TCF4: variants seen among roughly 807,000 people sequenced by gnomAD.
TCF4 encodes the protein transcription factor 4.
A neutral mutation model predicts 82.1 loss-of-function variants in TCF4; 3 were observed. The observed-to-expected ratio is 0.04, with a 90% CI of 0.02 to 0.09. TCF4 has a LOEUF of 0.09. Among genes scored for constraint, TCF4 ranks in the 10% least tolerant of loss-of-function variants. The pLI, the probability that TCF4 is intolerant of heterozygous loss-of-function variation, is 1.00. For missense variants in TCF4, 518 were observed against 852.7 expected, an observed-to-expected ratio of 0.61 and a Z score of 4.89; for synonymous variants, 276 against 309.6, an observed-to-expected ratio of 0.89 and a Z score of 1.14.
intron 5 of TCF4, among the ~76,000 whole-genome samples, chr18:55,442,447 T>C (rs1445728469): frequency 6.6e-6 from 1 of 152,222 alleles, no homozygotes; most frequent in Non-Finnish European, 1.5e-5. Context: ...TCCATCCATG[T>C]AAATGAAAAA....
chr18:55,615,712 T>TG (rs1483079291), intron 2 of TCF4, among the ~76,000 whole-genome samples: 1 of 152,084 alleles, frequency 6.6e-6, no homozygotes, highest in Non-Finnish European at 1.5e-5. Context: ...TTTAGTTTGC[T>TG]GGGGAGTTTA....
At chr18:55,251,678 C>T (rs1414493240) in intron 15 of TCF4, among the ~76,000 whole-genome samples, 1 of 152,168 alleles carries the variant, frequency 6.6e-6, no homozygotes, top group Non-Finnish European at 1.5e-5. Context: ...CAATACAAAA[C>T]CGGGACTGGG....
At chr18:55,458,682 G>A (rs909847800) in intron 5 of TCF4, among the ~76,000 whole-genome samples, 8 of 152,098 alleles carry the variant, frequency 5.3e-5, no homozygotes, top group Non-Finnish European at 7.3e-5. Context: ...CTTCAGATAC[G>A]CAAGCCAATC....
chr18:55,533,707 C>T (rs570079889), intron 3 of TCF4, among the ~76,000 whole-genome samples: 1 of 152,284 alleles, frequency 6.6e-6, no homozygotes, highest in East Asian at 1.9e-4. Flanking sequence ...AAAAACAGTA[C>T]AACACAAGTT....
intron 5 of TCF4, among the ~76,000 whole-genome samples, chr18:55,439,992 G>T (rs147652485): frequency 1.4e-4 from 21 of 152,292 alleles, no homozygotes; most frequent in African/African-American, 4.8e-4. Flanking sequence ...CCAAAGAGCT[G>T]AGATTACAGG....
chr18:55,328,350 T>A (rs1161406793), intron 8 of TCF4, among the ~76,000 whole-genome samples: 1 of 151,754 alleles, frequency 6.6e-6, no homozygotes. Context: ...AGGCCGTCAA[T>A]CTTTTTCCCT....
intron 3 of TCF4, among the ~76,000 whole-genome samples, chr18:55,487,844 T>A (rs917108398): frequency 6.6e-6 from 1 of 152,102 alleles, no homozygotes; most frequent in South Asian, 2.1e-4. Flanking sequence ...GATATATAGT[T>A]TATTACTGGT....
chr18:55,311,783 A>G (rs935726956), intron 8 of TCF4, among the ~76,000 whole-genome samples: 1 of 152,226 alleles, frequency 6.6e-6, no homozygotes, highest in Non-Finnish European at 1.5e-5. Flanking sequence ...TATCATTTTC[A>G]ACTAAATGTT....
rs185392104 is a variant in TCF4, at chr18:55,322,036, C to T, written c.549+28323G>A. On this transcript the variant is annotated intron_variant, in intron 8 of 19. Transcript: ENST00000354452. ...TTCCGAGGGGTTTTTATTAGTTCCT[C>T]GAATAATGCCGATTCTTACAAATTT... 6.0e-6 allele frequency: 7 copies of T among 1,158,820 alleles called. No homozygotes were observed. The African/African-American group carries it at 9.6e-5, about 16-fold the overall frequency. 71.8% of individuals were successfully genotyped at this position (1,158,820 alleles called of 1,614,324 possible).
intron 5 of TCF4, among the ~76,000 whole-genome samples, chr18:55,424,572 A>G (rs1256598970): frequency 2.0e-5 from 3 of 152,176 alleles, no homozygotes; most frequent in Admixed American, 6.5e-5. Flanking sequence ...ATCAAACAAC[A>G]ACTAAGGGGG....
chr18:55,587,475 T>C (rs2097661563), intron 1 of TCF4, among the ~76,000 whole-genome samples: 1 of 150,204 alleles, frequency 6.7e-6, no homozygotes, highest in Non-Finnish European at 1.5e-5. Context: ...CGCATCATTT[T>C]ATGCAACAGG....
At chr18:55,406,864 C>CT (rs1293444148) in intron 5 of TCF4, among the ~76,000 whole-genome samples, 3 of 152,202 alleles carry the variant, frequency 2.0e-5, no homozygotes, top group African/African-American at 7.2e-5. Flanking sequence ...CGAGACAACC[C>CT]TCCGGTACTA....
intron 5 of TCF4, among the ~76,000 whole-genome samples, chr18:55,409,789 G>C (rs1213916742): frequency 6.6e-6 from 1 of 152,112 alleles, no homozygotes; most frequent in Non-Finnish European, 1.5e-5. Flanking sequence ...ACGGTAATCT[G>C]TGGCCATGCA....
chr18:55,302,874 G>A (rs1480067682), intron 8 of TCF4, among the ~76,000 whole-genome samples: 2 of 152,248 alleles, frequency 1.3e-5, no homozygotes, highest in East Asian at 3.9e-4. Flanking sequence ...CTCTTTTACA[G>A]AATAAAAGTG....
intron 11 of TCF4, chr18:55,265,178 A>G (rs2058855088): frequency 6.6e-6 from 1 of 152,202 alleles, no homozygotes; most frequent in African/African-American, 2.4e-5. Context: ...ATGCACACCC[A>G]TCATCTAAGG....
chr18:55,405,054 C>T (rs77220532), intron 5 of TCF4, among the ~76,000 whole-genome samples: 4,289 of 152,326 alleles, frequency 0.028, 201 homozygotes, highest in African/African-American at 0.095. Flanking sequence ...GAATAACTTC[C>T]ATTGTATGAG....
chr18:55,313,495 T>A (rs184680755), intron 8 of TCF4, among the ~76,000 whole-genome samples: 21 of 152,200 alleles, frequency 1.4e-4, no homozygotes, highest in Admixed American at 2.6e-4. Context: ...TCCCCTTCAA[T>A]CCAAATTTAA....
intron 3 of TCF4, among the ~76,000 whole-genome samples, chr18:55,486,676 G>A (rs1011328648): frequency 1.3e-5 from 2 of 152,080 alleles, no homozygotes; most frequent in Non-Finnish European, 2.9e-5. Flanking sequence ...TCCAAGGTGT[G>A]GCCAGAGAAC....
chr18:55,419,332 T>C (rs2094641371), intron 5 of TCF4, among the ~76,000 whole-genome samples: 1 of 152,196 alleles, frequency 6.6e-6, no homozygotes, highest in Non-Finnish European at 1.5e-5. Context: ...CAATTGGGTT[T>C]TACCAACAAA....
Sources: gnomAD v4.1 joint callset for allele counts (sites outside exome capture counted in the v4.1 genomes callset) on GRCh38, gnomAD v4.1.1 for gene constraint, MANE v1.5 for transcripts, NCBI Gene and HGNC (gene_info 2026-07-23, HGNC 2026-07-21) for gene names.